DLG5: variants seen among roughly 807,000 people sequenced by gnomAD.
The protein encoded by DLG5 is disks large homolog 5.
DLG5 carries 48 observed loss-of-function variants against 189.8 expected under a neutral mutation model. The ratio of observed to expected loss-of-function variants is 0.25; its 90% CI spans 0.20 to 0.32. The LOEUF (loss-of-function observed/expected upper bound fraction) is 0.32. Among genes scored for constraint, DLG5 ranks in the 10% least tolerant of loss-of-function variants. The pLI is 1.00. For missense variants in DLG5, 2,160 were observed against 2,544.7 expected, an observed-to-expected ratio of 0.85 and a Z score of 3.25; for synonymous variants, 1,016 against 1,054.1, an observed-to-expected ratio of 0.96 and a Z score of 0.70.
rs1841747739 is a variant in DLG5, at chr10:77,811,132, C to A, written c.4425G>T (p.Glu1475Asp). The A allele has an allele frequency of 6.2e-7, 1 of 1,612,450 alleles. No homozygotes were observed. Among genetic ancestry groups the A allele is most frequent in the African/African-American group, 1.3e-5 (1 of 74,844 alleles). ...GCTTGGCTGGGGGGGTGCTAGGCCC[C>A]TCGTCCTGCTCCATCAGTGGGTCGA... ...SVIDPLMEQD[E>D]GPSTPPAKQS... The change falls in exon 23 of 32, where the codon GAG becomes GAT. Residue 1475 changes from glutamate (E) to aspartate (D), a missense_variant. Around this residue, in one of 5 missense-constraint regions of DLG5, gnomAD observed 574 missense variants for 644.2 expected, o/e 0.89. Coordinates refer to ENST00000372391, the MANE Select transcript of DLG5 (RefSeq NM_004747.4).
rs1351619736 is a variant in DLG5, at chr10:77,926,244, C to T, written c.277G>A (p.Gly93Arg). The change falls in exon 1 of 32, where the codon GGG (glycine) becomes AGG (arginine). Residue 93 changes from glycine to arginine, a missense_variant. Physicochemically the swap from Gly to Arg is moderately radical, Grantham distance 125. Around this residue, in one of 5 missense-constraint regions of DLG5, gnomAD observed 664 missense variants for 838.5 expected, o/e 0.79. Transcript: ENST00000372391. The surrounding 1 kb of genome is among the most constrained non-coding windows in gnomAD (Gnocchi z 5.2). The part of the protein sequence containing the change: ...LPILYLNGVV[G>R]PPQPAEGAGS... ...GCGCCTTCGGCGGGCTGCGGCGGCC[C>T]GACGACGCCGTTCAGGTAGAGAATG... 6.6e-7 allele frequency: 1 copy of T among 1,524,744 alleles called. No homozygotes were observed. Among genetic ancestry groups the T allele is most frequent in the African/African-American group, 1.4e-5 (1 of 70,814 alleles). 94.5% of individuals were successfully genotyped at this position (1,524,744 alleles called of 1,614,324 possible).
At chr10:77,803,218 A>T (rs1841304725) in intron 27 of DLG5, among the ~76,000 whole-genome samples, 2 of 152,238 alleles carry the variant, frequency 1.3e-5, no homozygotes, top group African/African-American at 4.8e-5. Context: ...ATAGAAAACA[A>T]ACAGTAAGAT....
intron 1 of DLG5, among the ~76,000 whole-genome samples, chr10:77,907,966 C>T (rs1846112176): frequency 1.3e-5 from 2 of 152,144 alleles, no homozygotes; most frequent in African/African-American, 2.4e-5. Context: ...ACAACACCTA[C>T]CACCTACACA....
chr10:77,846,162 T>C (rs1296299040), intron 5 of DLG5, among the ~76,000 whole-genome samples: 1 of 151,736 alleles, frequency 6.6e-6, no homozygotes, highest in Non-Finnish European at 1.5e-5. Context: ...GGAGAATTGC[T>C]TGAACCCAGG....
At chr10:77,871,935 G>C (rs539280722) in intron 1 of DLG5, among the ~76,000 whole-genome samples, 2 of 151,996 alleles carry the variant, frequency 1.3e-5, no homozygotes, top group Non-Finnish European at 2.9e-5. Context: ...AATGCAATTC[G>C]GGCAATCCAT....
intron 5 of DLG5, among the ~76,000 whole-genome samples, chr10:77,845,649 G>C (rs946643972): frequency 2.0e-4 from 30 of 151,218 alleles, no homozygotes; most frequent in Non-Finnish European, 8.9e-5. Context: ...GAGAAAGAGA[G>C]AGAAAGAAAG....
intron 9 of DLG5, 129 bp downstream of exon 9, chr10:77,833,785 C>A (rs1199723741): frequency 2.9e-6 from 4 of 1,368,920 alleles, no homozygotes; most frequent in Non-Finnish European, 4.0e-6. Context: ...AGTGAAGGGA[C>A]AAACAGCCAG....
At chr10:77,866,797 G>A (rs943694302) in intron 2 of DLG5, 19 of 366,930 alleles carry the variant, frequency 5.2e-5, no homozygotes, top group Non-Finnish European at 7.6e-5. Flanking sequence ...AGCCTCATAT[G>A]GGAGCTCATA....
rs760950110 is a variant in DLG5, at chr10:77,817,111, G to A, written c.3785-15C>T. On this transcript the variant is annotated splice_polypyrimidine_tract_variant and intron_variant, in intron 18 of 31. Transcript: ENST00000372391. ...ACTCGAAGAACCTATTGTTCCATAA[G>A]GGAACAAAACTTCAGGCCTCATGGT... 2.5e-6 allele frequency: 4 copies of A among 1,611,716 alleles called. No individual in the cohort carries two copies. Among genetic ancestry groups the A allele is most frequent in the Admixed American group, 1.7e-5 (1 of 60,024 alleles).
At chr10:77,806,988 G>C in intron 25 of DLG5, 60 bp from the exon 26 acceptor site, 1 of 1,569,030 alleles carries the variant, frequency 6.4e-7, no homozygotes, top group Non-Finnish European at 8.7e-7. Flanking sequence ...GACGAACCAG[G>C]TGCCTTCTGT....
At chr10:77,915,401 G>C (rs936074818) in intron 1 of DLG5, among the ~76,000 whole-genome samples, 5 of 151,978 alleles carry the variant, frequency 3.3e-5, no homozygotes, top group African/African-American at 1.2e-4. Context: ...GTAAAAAAAT[G>C]ATGGTATACG....
At chr10:77,868,823 TTAC>T in intron 2 of DLG5, 2 of 412,868 alleles carry the variant, frequency 4.8e-6, no homozygotes, top group South Asian at 2.6e-5. Context: ...GGTCACTGAG[TTAC>T]TACAAGGCCT....
intron 23 of DLG5, 58 bp downstream of exon 23, chr10:77,811,036 G>GC (rs1478053965): frequency 3.8e-6 from 6 of 1,568,680 alleles, no homozygotes; most frequent in Non-Finnish European, 5.2e-6. Flanking sequence ...TGGAGAATGT[G>GC]CTCAGCCCCA....
At chr10:77,871,113 G>C (rs150700903) in intron 1 of DLG5, among the ~76,000 whole-genome samples, 385 of 152,344 alleles carry the variant, frequency 2.5e-3, no homozygotes, top group Non-Finnish European at 4.4e-3. Flanking sequence ...GGGCTGAAGA[G>C]AATGACTGGG....
chr10:77,821,006 G>A, intron 15 of DLG5, 76 bp downstream of exon 15: 1 of 1,516,608 alleles, frequency 6.6e-7, no homozygotes, highest in Non-Finnish European at 8.8e-7. Context: ...CTGGTGCAGG[G>A]CCACTTAGCA....
chr10:77,846,145 T>C (rs1239470207), intron 5 of DLG5, among the ~76,000 whole-genome samples: 1 of 151,904 alleles, frequency 6.6e-6, no homozygotes, highest in East Asian at 1.9e-4. Context: ...CTCGGGAGGC[T>C]GAGGCAGGAG....
chr10:77,924,216 T>C (rs79545993), intron 1 of DLG5, among the ~76,000 whole-genome samples: 14,689 of 152,228 alleles, frequency 0.096, 1,425 homozygotes, highest in East Asian at 0.26. Context: ...CCTTGAAAAG[T>C]ATTTTTCTAA....
At chr10:77,822,567 C>G (rs1842425030) in intron 14 of DLG5, among the ~76,000 whole-genome samples, 1 of 152,144 alleles carries the variant, frequency 6.6e-6, no homozygotes, top group Admixed American at 6.5e-5. Context: ...TCGCTTGAAC[C>G]CGGAGGTGGA....
intron 1 of DLG5, among the ~76,000 whole-genome samples, chr10:77,869,864 G>C (rs187170259): frequency 1.3e-5 from 2 of 152,206 alleles, no homozygotes; most frequent in African/African-American, 4.8e-5. Context: ...TCCCAGCACC[G>C]GGAAGCCCAG....
Sources: allele counts gnomAD v4.1 joint callset (sites outside exome capture counted in the v4.1 genomes callset), GRCh38; gene constraint gnomAD v4.1.1; regional missense constraint gnomAD v4.1.1; non-coding constraint Gnocchi (gnomAD v3.1); transcripts MANE v1.5; gene names NCBI Gene and HGNC (gene_info 2026-07-23, HGNC 2026-07-21).